Variants in SPOP observed in about 807,000 individuals in gnomAD.
The protein encoded by SPOP is speckle type BTB/POZ protein.
Under a neutral mutation model 45.6 loss-of-function variants are expected in SPOP, and 11 were observed. The ratio of observed to expected loss-of-function variants is 0.24; its 90% CI spans 0.15 to 0.40. The LOEUF (loss-of-function observed/expected upper bound fraction) is 0.40. SPOP is among the 10% of genes least tolerant of loss of function. The pLI, the probability that SPOP is intolerant of heterozygous loss-of-function variation, is 1.00. For synonymous variants in SPOP, 166 were observed against 166.3 expected, an observed-to-expected ratio of 1.00 and a Z score of 0.01; for missense variants, 152 against 465.6, an observed-to-expected ratio of 0.33 and a Z score of 6.20.
At chr17:49,623,617 A>C (rs1348251666) in intron 1 of SPOP, among the ~76,000 whole-genome samples, 1 of 152,168 alleles carries the variant, frequency 6.6e-6, no homozygotes, top group African/African-American at 2.4e-5. Flanking sequence ...CTGCAAACTT[A>C]AGGAATCTTC....
At chr17:49,615,525 C>T (rs2072067577) in intron 5 of SPOP, among the ~76,000 whole-genome samples, 2 of 151,992 alleles carry the variant, frequency 1.3e-5, no homozygotes, top group Admixed American at 1.3e-4. Flanking sequence ...TTTTAACAGA[C>T]AGGGACTAAT....
In SPOP at chr17:49,619,325, G is replaced by A. The variant is rs2072166893; in HGVS notation, c.261C>T (p.Tyr87=). 6.2e-7 allele frequency: 1 copy of A among 1,613,956 alleles called. No individual in the cohort carries two copies. The part of the protein sequence containing the change: ...DEESKDYLSL[Y]LLLVSCPKSE... ...TCTTTGGACAGCTGACCAGTAACAGGTAAAGTGACAGGTAATCTTTGCTTT... is the reference window on the plus strand; with the variant it reads ...TCTTTGGACAGCTGACCAGTAACAGATAAAGTGACAGGTAATCTTTGCTTT... Residue 87 remains tyrosine, a synonymous_variant, in exon 4 of 10, where the codon TAC becomes TAT. Coordinates refer to ENST00000504102, the MANE Select transcript of SPOP (RefSeq NM_001007228.2). This position sits in a 1 kb window ranked among gnomAD's most constrained non-coding sequence, Gnocchi z 4.9.
At chr17:49,625,365 T>A (rs748801459) in intron 1 of SPOP, among the ~76,000 whole-genome samples, 1 of 152,146 alleles carries the variant, frequency 6.6e-6, no homozygotes, top group Non-Finnish European at 1.5e-5. Context: ...TCCCAGCACT[T>A]TGGGAGGCTG....
intron 1 of SPOP, among the ~76,000 whole-genome samples, chr17:49,634,742 C>G (rs942924571): frequency 2.0e-5 from 3 of 152,170 alleles, no homozygotes; most frequent in Non-Finnish European, 4.4e-5. Context: ...ATACTTCAGC[C>G]AAGCCATTTA....
chr17:49,634,818 A>G (rs1051483244), intron 1 of SPOP, among the ~76,000 whole-genome samples: 2 of 152,212 alleles, frequency 1.3e-5, no homozygotes, highest in African/African-American at 4.8e-5. Flanking sequence ...CAAAGGAGAA[A>G]GTCTAATTAG....
chr17:49,668,236 G>GT, intron 1 of SPOP, among the ~76,000 whole-genome samples: 1 of 152,206 alleles, frequency 6.6e-6, no homozygotes, highest in Middle Eastern at 3.4e-3. Context: ...TTAATATTAA[G>GT]TTTTTTACCA....
intron 7 of SPOP, 114 bp downstream of exon 7, chr17:49,607,760 T>A: frequency 1.0e-6 from 1 of 978,390 alleles, no homozygotes; most frequent in Non-Finnish European, 1.6e-6. Flanking sequence ...TAGGGACTCA[T>A]ACTCCATTTT....
chr17:49,664,041 A>G (rs149578876), intron 1 of SPOP, among the ~76,000 whole-genome samples: 169 of 152,346 alleles, frequency 1.1e-3, no homozygotes, highest in African/African-American at 3.9e-3. Context: ...CCGCAGCATG[A>G]TATTCTAAAA....
At chr17:49,611,254 A>G in intron 6 of SPOP, 26 bp downstream of exon 6, 1 of 1,598,040 alleles carries the variant, frequency 6.3e-7, no homozygotes, top group Non-Finnish European at 8.5e-7. Flanking sequence ...CCAAAACTAT[A>G]AAATTCCTCA....
At chr17:49,606,716 A>C (rs2071859078) in intron 8 of SPOP, among the ~76,000 whole-genome samples, 1 of 151,770 alleles carries the variant, frequency 6.6e-6, no homozygotes, top group South Asian at 2.1e-4. Context: ...GCTGGTCTCA[A>C]ACTCCTGAGC....
At position 49,677,875 on chromosome 17, in the gene SPOP, GC is replaced by G. The variant is rs753109561; in HGVS notation, c.-67+57del. 692 of 337,954 alleles carry G rather than the reference GC, an allele frequency of 2.0e-3. 3 individuals are homozygous for G. The highest frequency in any genetic ancestry group is 8.2e-3 in the African/African-American group (341 of 41,814). 20.9% of individuals were successfully genotyped at this position (337,954 alleles called of 1,614,324 possible). A position where few individuals can be genotyped will look rare whatever the true frequency, so the allele number is the denominator to read the frequency against. On this transcript the variant is annotated intron_variant, in intron 1 of 9. Transcript: ENST00000504102. ...GGGTCAGTCACCTCTTCAGGGAGGT[GC>G]CCCCCCCCCACTCCGACAGGACAAC...
At position 49,657,711 on chromosome 17, in the gene SPOP, T is replaced by A. The variant is rs2072933720; in HGVS notation, c.-67+20222A>T. On this transcript the variant is annotated intron_variant, in intron 1 of 9. Transcript: ENST00000504102. ...CGCACCCGGCCTTTTTTTTTTTTTT[T>A]TTTTTTTGAAACAGAGTCTTGCTCT... 2.1e-5 allele frequency among the ~76,000 whole-genome samples: 3 copies of A among 145,754 alleles called. No individual in the cohort carries two copies. In the South Asian group the frequency reaches 6.7e-4, roughly 33 times the overall value.
At chr17:49,669,297 C>T (rs560012123) in intron 1 of SPOP, among the ~76,000 whole-genome samples, 4 of 146,762 alleles carry the variant, frequency 2.7e-5, no homozygotes, top group Admixed American at 2.7e-4. Context: ...GAACTCCCGA[C>T]CTCAGGTGAT....
chr17:49,617,923 CAAAAAAAAAA>C (rs907445153), intron 5 of SPOP, among the ~76,000 whole-genome samples: 1 of 55,892 alleles, frequency 1.8e-5, no homozygotes, highest in Admixed American at 2.0e-4. Flanking sequence ...GACTCCGTCT[CAAAAAAAAAA>C]AAAAAAAAAA....
At chr17:49,660,073 C>T (rs951576894) in intron 1 of SPOP, among the ~76,000 whole-genome samples, 1 of 152,118 alleles carries the variant, frequency 6.6e-6, no homozygotes, top group Non-Finnish European at 1.5e-5. Flanking sequence ...ATGGGTGCAG[C>T]CCAGGCACCA....
chr17:49,614,857 GT>G (rs2072050648), intron 5 of SPOP, among the ~76,000 whole-genome samples: 3 of 146,454 alleles, frequency 2.0e-5, no homozygotes, highest in Admixed American at 2.0e-4. Context: ...AAAACTATTA[GT>G]TTAAAAAATT....
intron 1 of SPOP, among the ~76,000 whole-genome samples, chr17:49,655,818 A>T: frequency 6.6e-6 from 1 of 151,748 alleles, no homozygotes; most frequent in East Asian, 1.9e-4. Context: ...AATGAAAAAA[A>T]TTTTTTTTTG....
At chr17:49,605,060 T>C (rs2071811844) in intron 8 of SPOP, among the ~76,000 whole-genome samples, 1 of 152,216 alleles carries the variant, frequency 6.6e-6, no homozygotes, top group East Asian at 1.9e-4. Context: ...ACCTAATATC[T>C]GTTGATATTT....
At chr17:49,670,473 T>A (rs1453838906) in intron 1 of SPOP, among the ~76,000 whole-genome samples, 1 of 152,174 alleles carries the variant, frequency 6.6e-6, no homozygotes, top group Non-Finnish European at 1.5e-5. Flanking sequence ...GAAACTGAAA[T>A]ATGAATTTCA....
Sources: gnomAD v4.1 joint callset for allele counts (sites outside exome capture counted in the v4.1 genomes callset) on GRCh38, gnomAD v4.1.1 for gene constraint, Gnocchi (gnomAD v3.1) non-coding constraint, MANE v1.5 for transcripts, NCBI Gene and HGNC (gene_info 2026-07-23, HGNC 2026-07-21) for gene names.